SMARCD3: variants seen among roughly 807,000 people sequenced by gnomAD.
The protein encoded by SMARCD3 is SWI/SNF-related matrix-associated actin-dependent regulator of chromatin subfamily D member 3.
A neutral mutation model predicts 58.0 loss-of-function variants in SMARCD3; 14 were observed. The ratio of observed to expected loss-of-function variants is 0.24; its 90% CI spans 0.16 to 0.38. The LOEUF (loss-of-function observed/expected upper bound fraction) is 0.38. Ranked by LOEUF, SMARCD3 falls within the 10% of genes least tolerant of loss-of-function variation. The pLI, the probability that SMARCD3 is intolerant of heterozygous loss-of-function variation, is 1.00. For missense variants in SMARCD3, 408 were observed against 636.9 expected, an observed-to-expected ratio of 0.64 and a Z score of 3.87; for synonymous variants, 253 against 253.8, an observed-to-expected ratio of 1.00 and a Z score of 0.03.
At chr7:151,275,611 C>T (rs971382111) in intron 1 of SMARCD3, among the ~76,000 whole-genome samples, 3 of 152,110 alleles carry the variant, frequency 2.0e-5, no homozygotes, top group Non-Finnish European at 4.4e-5. Context: ...GAGGCAAAGG[C>T]CAGAGGGCAG....
At chr7:151,274,217 C>G (rs931905442) in intron 2 of SMARCD3, among the ~76,000 whole-genome samples, 1 of 152,236 alleles carries the variant, frequency 6.6e-6, no homozygotes, top group African/African-American at 2.4e-5. Context: ...CCAGTACCCA[C>G]CCTGTTGCCA....
At chr7:151,252,588 G>C (rs116297345), upstream of SMARCD3, among the ~76,000 whole-genome samples, 1,520 of 152,262 alleles carry the variant, frequency 1.0e-2, 28 homozygotes, top group African/African-American at 0.034. Flanking sequence ...CCCACTTTCC[G>C]CCATCCAGCC....
intron 2 of SMARCD3, among the ~76,000 whole-genome samples, chr7:151,266,185 G>T (rs1284124681): frequency 6.6e-6 from 1 of 151,974 alleles, no homozygotes; most frequent in Non-Finnish European, 1.5e-5. Context: ...GGCCAGGCTG[G>T]TCTCAAATTC....
intron 2 of SMARCD3, among the ~76,000 whole-genome samples, chr7:151,264,736 C>T (rs918965001): frequency 6.6e-6 from 1 of 152,184 alleles, no homozygotes; most frequent in African/African-American, 2.4e-5. Flanking sequence ...GCAGTGTTGG[C>T]AGCCAGCATG....
rs764979420 is a variant in SMARCD3, at chr7:151,242,661, T to C, written c.457-58A>G. On this transcript the variant is annotated intron_variant, in intron 4 of 12. Transcript: ENST00000262188. This position sits in a 1 kb window ranked among gnomAD's most constrained non-coding sequence, Gnocchi z 4.7. ...CTGTGTGCTCCCACCCCGACCACCC[T>C]GCTTCCCCATCCTGGTCACACAACT... is the stretch of plus-strand genomic sequence containing the variant. 6 of 1,611,626 alleles carry C rather than the reference T, an allele frequency of 3.7e-6. No individual in the cohort carries two copies. The highest frequency in any genetic ancestry group is 5.1e-6 in the Non-Finnish European group (6 of 1,178,166).
Position 151,240,104 on chromosome 7 carries a change from G to T in SMARCD3, c.1173+8C>A, listed in dbSNP as rs376910004. On this transcript the variant is annotated splice_region_variant and intron_variant, in intron 10 of 12. Coordinates refer to ENST00000262188, the MANE Select transcript of SMARCD3 (RefSeq NM_001003801.2). The stretch of plus-strand genomic sequence containing the variant: ...ATGTCCCACTCCAGCTCTGGGCTTG[G>T]GCCCCACCTTACTGTCCAGAGCACT... 6.2e-7 allele frequency: 1 copy of T among 1,613,820 alleles called. No homozygotes were observed. The highest frequency in any genetic ancestry group is 1.3e-5 in the African/African-American group (1 of 74,958).
intron 2 of SMARCD3, among the ~76,000 whole-genome samples, chr7:151,274,631 G>A (rs904871323): frequency 1.3e-5 from 2 of 152,240 alleles, no homozygotes; most frequent in Admixed American, 6.5e-5. Flanking sequence ...GTTGTGCCAA[G>A]GAATCAGCAG....
Position 151,239,146 on chromosome 7 carries a change from C to T in SMARCD3, c.1409G>A (p.Arg470His). 4.3e-6 allele frequency: 7 copies of T among 1,614,084 alleles called. No homozygotes were observed. Among genetic ancestry groups the T allele is most frequent in the South Asian group, 1.1e-5 (1 of 91,078 alleles). ...SRYFYCKIQQ[R>H]RQELEQSLVV... ...CAGCGACTGCTCCAGCTCCTGCCTG[C>T]GCTGCTGGATCTTTAGAGGAAGTGA... The change falls in exon 13 of 13, where the codon CGC becomes CAC. Residue 470 changes from arginine to histidine, a missense_variant. Physicochemically the swap from Arg to His is conservative, Grantham distance 29. Around this residue, in one of 4 missense-constraint regions of SMARCD3, gnomAD observed 81 missense variants for 109.7 expected, o/e 0.74. Coordinates refer to ENST00000262188, the MANE Select transcript of SMARCD3 (RefSeq NM_001003801.2). The surrounding 1 kb of genome is among the most constrained non-coding windows in gnomAD (Gnocchi z 7.0).
chr7:151,248,761 C>T (rs1803403077), upstream of SMARCD3: 2 of 944,898 alleles, frequency 2.1e-6, no homozygotes, highest in Non-Finnish European at 2.6e-6. This position sits in a 1 kb window ranked among gnomAD's most constrained non-coding sequence, Gnocchi z 6.1. Flanking sequence ...CCGCCCGCCG[C>T]CGCCGCCGCC....
At chr7:151,247,506 G>A (rs1440466225) in intron 1 of SMARCD3, among the ~76,000 whole-genome samples, 1 of 152,086 alleles carries the variant, frequency 6.6e-6, no homozygotes, top group Non-Finnish European at 1.5e-5. Flanking sequence ...CCAGAGAGCT[G>A]TGCCCGCCAC....
Position 151,239,001 on chromosome 7 carries a change from C to T in SMARCD3, c.*102G>A. 1.6e-6 allele frequency: 2 copies of T among 1,267,558 alleles called. No individual in the cohort carries two copies. Among genetic ancestry groups the T allele is most frequent in the South Asian group, 1.2e-5 (1 of 83,732 alleles). 78.5% of individuals were successfully genotyped at this position (1,267,558 alleles called of 1,614,324 possible). Reference sequence around the variant, plus strand: ...CAGATGAATGACTTTTAATCCAGCCCCACACCCCAAGGTGGCAGAGGAGTG... The same window carrying T: ...CAGATGAATGACTTTTAATCCAGCCTCACACCCCAAGGTGGCAGAGGAGTG... On this transcript the variant is annotated 3_prime_UTR_variant, in exon 13 of 13. Coordinates refer to ENST00000262188, the MANE Select transcript of SMARCD3 (RefSeq NM_001003801.2). The surrounding 1 kb of genome is among the most constrained non-coding windows in gnomAD (Gnocchi z 7.0).
intron 1 of SMARCD3, among the ~76,000 whole-genome samples, chr7:151,275,889 T>C (rs952444878): frequency 6.6e-6 from 1 of 152,066 alleles, no homozygotes; most frequent in Non-Finnish European, 1.5e-5. Context: ...AAGAGAGCAG[T>C]GCTGTAGGAG....
At chr7:151,272,163 C>G (rs1203702157) in intron 2 of SMARCD3, among the ~76,000 whole-genome samples, 4 of 152,164 alleles carry the variant, frequency 2.6e-5, no homozygotes, top group Non-Finnish European at 5.9e-5. Flanking sequence ...TTCATTTCCT[C>G]ATACAGGAGA....
At chr7:151,266,887 A>T (rs1406543145) in intron 2 of SMARCD3, among the ~76,000 whole-genome samples, 1 of 152,098 alleles carries the variant, frequency 6.6e-6, no homozygotes, top group Non-Finnish European at 1.5e-5. Flanking sequence ...AACTGTTAAA[A>T]TTTTTTGTAG....
At chr7:151,275,242 T>A in exon 2 of SMARCD3, 1 of 1,108,206 alleles carries the variant, frequency 9.0e-7, no homozygotes, top group Non-Finnish European at 1.4e-6. Context: ...CCAAGGGCCA[T>A]TCTGAGGATC....
At chr7:151,240,335 G>C in intron 9 of SMARCD3, 88 bp from the exon 10 acceptor site, 1 of 1,600,036 alleles carries the variant, frequency 6.2e-7, no homozygotes, top group Non-Finnish European at 8.6e-7. Context: ...CAGGGAGGGA[G>C]AAGAGATGGG....
chr7:151,244,704 C>T (rs1374521963), intron 2 of SMARCD3, among the ~76,000 whole-genome samples: 1 of 152,024 alleles, frequency 6.6e-6, no homozygotes. Flanking sequence ...ATTTTTTCCC[C>T]GATGTGTAAA....
intron 2 of SMARCD3, among the ~76,000 whole-genome samples, chr7:151,259,943 T>C (rs371660206): frequency 1.5e-4 from 23 of 152,210 alleles, no homozygotes; most frequent in African/African-American, 5.3e-4. Context: ...TAACATCGGC[T>C]TAGATTTGTA....
chr7:151,261,074 G>A (rs1044657172), intron 2 of SMARCD3, among the ~76,000 whole-genome samples: 12 of 152,174 alleles, frequency 7.9e-5, no homozygotes, highest in African/African-American at 2.2e-4. Flanking sequence ...ATGTTGGGGC[G>A]CGCTCTCGGC....
Sources: gnomAD v4.1 joint callset for allele counts (sites outside exome capture counted in the v4.1 genomes callset) on GRCh38, gnomAD v4.1.1 for gene constraint, gnomAD v4.1.1 regional missense constraint, Gnocchi (gnomAD v3.1) non-coding constraint, MANE v1.5 for transcripts, NCBI Gene and HGNC (gene_info 2026-07-23, HGNC 2026-07-21) for gene names.